Variants in WWC1 observed in about 807,000 individuals in gnomAD.
WWC1 encodes WW and C2 domain containing 1.
A neutral mutation model predicts 138.4 loss-of-function variants in WWC1; 55 were observed. The ratio of observed to expected loss-of-function variants is 0.40; its 90% CI spans 0.32 to 0.50. The LOEUF (loss-of-function observed/expected upper bound fraction) is 0.50. Ranked by LOEUF, WWC1 falls within the 20% of genes least tolerant of loss-of-function variation. WWC1 has a pLI of 0.72. For missense variants in WWC1, 1,226 were observed against 1,420.4 expected (o/e 0.86, Z 2.20); for synonymous variants, 524 against 564.9 (o/e 0.93, Z 1.03).
intron 1 of WWC1, among the ~76,000 whole-genome samples, chr5:168,319,179 GGAGGCCAAGGTGA>G (rs999323884): frequency 3.3e-5 from 5 of 152,196 alleles, no homozygotes; most frequent in African/African-American, 1.2e-4. Context: ...CAGCACTTTG[GGAGGCCAAGGTGA>G]GTGGATCACC....
At chr5:168,374,951 C>A (rs1414117237) in intron 2 of WWC1, among the ~76,000 whole-genome samples, 2 of 152,138 alleles carry the variant, frequency 1.3e-5, no homozygotes, top group Admixed American at 1.3e-4. Context: ...TGGAGCTGAG[C>A]AACTAGAAGG....
intron 3 of WWC1, among the ~76,000 whole-genome samples, chr5:168,395,213 A>G (rs1461362699): frequency 6.6e-6 from 1 of 152,170 alleles, no homozygotes; most frequent in Non-Finnish European, 1.5e-5. Flanking sequence ...AGTCTCCTCA[A>G]CATTGCCCCA....
At chr5:168,344,732 G>T (rs1001617908) in intron 1 of WWC1, among the ~76,000 whole-genome samples, 10 of 152,178 alleles carry the variant, frequency 6.6e-5, no homozygotes, top group African/African-American at 2.4e-4. Flanking sequence ...AGTGCAGGGG[G>T]TTCATATTCC....
At chr5:168,466,538 G>A (rs1042694192) in intron 21 of WWC1, among the ~76,000 whole-genome samples, 4 of 152,166 alleles carry the variant, frequency 2.6e-5, no homozygotes, top group East Asian at 1.9e-4. Flanking sequence ...GGAAGATGAC[G>A]CCGGACTTCT....
chr5:168,371,986 C>G lies in WWC1; in HGVS notation c.229+453C>G, dbSNP rs73805104. Among the ~76,000 whole-genome samples the G allele has an allele frequency of 2.9e-3, 443 of 152,096 alleles. 3 individuals carry two copies. Among genetic ancestry groups the G allele is most frequent in the African/African-American group, 1.0e-2 (414 of 41,482 alleles). ...GCAGCCAGAGCCCTAGCAGGCCCCC[C>G]ACAGCATGTATGCATATATGTCCAT... On this transcript the variant is annotated intron_variant, in intron 2 of 22. Transcript: ENST00000265293.
chr5:168,312,061 T>A (rs10053336), intron 1 of WWC1, among the ~76,000 whole-genome samples: 4,912 of 143,054 alleles, frequency 0.034, 269 homozygotes, highest in African/African-American at 0.12. Flanking sequence ...AAAAAAAAAA[T>A]ACAAAAATTA....
intron 4 of WWC1, 39 bp from the exon 5 acceptor site, chr5:168,399,449 C>T: frequency 6.2e-7 from 1 of 1,610,770 alleles, no homozygotes; most frequent in Non-Finnish European, 8.5e-7. Flanking sequence ...TTGGTGTCAG[C>T]CTCTGACCCA....
Position 168,406,235 on chromosome 5 carries a change from A to C in WWC1, c.628A>C (p.Lys210Gln). 3.1e-6 allele frequency: 5 copies of C among 1,614,152 alleles called. No individual in the cohort carries two copies. Among genetic ancestry groups the C allele is most frequent in the Non-Finnish European group, 4.2e-6 (5 of 1,179,984 alleles). Residue 210 changes from lysine to glutamine, a missense_variant, in exon 6 of 23, where the codon AAA (lysine) becomes CAA (glutamine). This residue lies in a region of WWC1 where 1,016 missense variants were observed against 1,153.9 expected (regional missense o/e 0.88). Transcript: ENST00000265293. ...KKMSDAQGSYKLDEAQAVLRE... is the reference protein window; with the variant it reads ...KKMSDAQGSYQLDEAQAVLRE... Reference sequence around the variant, plus strand: ...AATGTCTGATGCTCAGGGCAGCTACAAACTGGATGAAGCTCAGGCTGTCTT... The same window carrying C: ...AATGTCTGATGCTCAGGGCAGCTACCAACTGGATGAAGCTCAGGCTGTCTT...
intron 2 of WWC1, among the ~76,000 whole-genome samples, chr5:168,382,590 C>T (rs968916125): frequency 1.3e-5 from 2 of 152,176 alleles, no homozygotes; most frequent in African/African-American, 2.4e-5. Context: ...CTCAGGGGGA[C>T]CCACGATTCC....
intron 1 of WWC1, among the ~76,000 whole-genome samples, chr5:168,345,029 G>A (rs189164820): frequency 2.2e-4 from 34 of 152,242 alleles, no homozygotes; most frequent in East Asian, 5.8e-4. Context: ...CATAAGGAAG[G>A]TCATTTTTAC....
chr5:168,414,499 G>A lies in WWC1; in HGVS notation c.1093G>A (p.Gly365Arg), dbSNP rs548273973. ...CATCAGCCCCCGCAAGTGGACCCAG[G>A]GGGAGGTGGAGCAGCTGGAGATGGC... ...RFISPRKWTQ[G>R]EVEQLEMARK... Residue 365 changes from glycine to arginine, a missense_variant, in exon 9 of 23, where the codon GGG becomes AGG. Transcript: ENST00000265293. 7 of 1,559,250 alleles carry A rather than the reference G, an allele frequency of 4.5e-6. No homozygotes were observed. In the East Asian group the frequency reaches 1.2e-4, roughly 27 times the overall value.
At position 168,458,129 on chromosome 5, in the gene WWC1, G is replaced by A. The variant is rs745634381; in HGVS notation, c.2824-2521G>A. Among the ~76,000 whole-genome samples the A allele has an allele frequency of 3.9e-5, 6 of 152,136 alleles. No homozygotes were observed. The South Asian group carries it at 6.2e-4, about 16-fold the overall frequency. ...TGGGGTTTTCTCACCCACAGGATGG[G>A]ATTTCAAATGCTAATCAGCAACACT... is the stretch of plus-strand genomic sequence containing the variant. On this transcript the variant is annotated intron_variant, in intron 19 of 22. Transcript: ENST00000265293.
At chr5:168,430,365 G>C (rs1781844716) in intron 14 of WWC1, 142 bp downstream of exon 14, 1 of 629,698 alleles carries the variant, frequency 1.6e-6, no homozygotes, top group Non-Finnish European at 2.8e-6. Flanking sequence ...CTGTGATGCT[G>C]AATGTCGGTG....
intron 17 of WWC1, among the ~76,000 whole-genome samples, chr5:168,452,140 G>A (rs1218554785): frequency 3.3e-5 from 5 of 151,952 alleles, no homozygotes; most frequent in Non-Finnish European, 7.4e-5. Flanking sequence ...TCCTGACCTG[G>A]GGTGATCCGC....
At chr5:168,339,818 C>T (rs1353330473) in intron 1 of WWC1, among the ~76,000 whole-genome samples, 1 of 97,548 alleles carries the variant, frequency 1.0e-5, no homozygotes, top group Non-Finnish European at 2.5e-5. Flanking sequence ...TTCTTTCTTT[C>T]TTTCTTTCTT....
At chr5:168,338,726 G>A (rs1256895494) in intron 1 of WWC1, among the ~76,000 whole-genome samples, 1 of 152,086 alleles carries the variant, frequency 6.6e-6, no homozygotes, top group Non-Finnish European at 1.5e-5. Flanking sequence ...GAATCAGAAG[G>A]GATTTTTCCT....
chr5:168,390,338 A>G (rs547878558), intron 3 of WWC1, among the ~76,000 whole-genome samples: 2 of 152,336 alleles, frequency 1.3e-5, no homozygotes, highest in Admixed American at 1.3e-4. Flanking sequence ...TCTGGAACCA[A>G]TAAGAATAAA....
intron 1 of WWC1, among the ~76,000 whole-genome samples, chr5:168,309,864 G>A (rs1320309891): frequency 1.3e-5 from 2 of 152,062 alleles, no homozygotes; most frequent in Non-Finnish European, 2.9e-5. Context: ...CTGTTTCTAG[G>A]TACCCACTGG....
At chr5:168,299,303 G>A (rs1769843803) in intron 1 of WWC1, among the ~76,000 whole-genome samples, 1 of 152,172 alleles carries the variant, frequency 6.6e-6, no homozygotes, top group African/African-American at 2.4e-5. Context: ...ACCTGATGTG[G>A]ATCTCAGGGA....
Sources: allele counts gnomAD v4.1 joint callset (sites outside exome capture counted in the v4.1 genomes callset), GRCh38; gene constraint gnomAD v4.1.1; regional missense constraint gnomAD v4.1.1; transcripts MANE v1.5; gene names NCBI Gene and HGNC (gene_info 2026-07-23, HGNC 2026-07-21).